PIAS1: variants seen among roughly 807,000 people sequenced by gnomAD.
PIAS1 encodes E3 SUMO-protein ligase PIAS1.
PIAS1 carries 6 observed loss-of-function variants against 71.3 expected under a neutral mutation model. That is an observed-to-expected ratio of 0.08 (90% CI 0.05 to 0.17). The LOEUF (loss-of-function observed/expected upper bound fraction) is 0.17, where lower values mean the gene tolerates loss of function less well. Among genes scored for constraint, PIAS1 ranks in the 10% least tolerant of loss-of-function variants. The pLI is 1.00. For synonymous variants in PIAS1, 303 were observed against 292.9 expected (o/e 1.03, Z -0.35); for missense variants, 555 against 793.6 (o/e 0.70, Z 3.61).
chr15:68,124,357 G>A (rs2092634690), intron 2 of PIAS1, among the ~76,000 whole-genome samples: 1 of 150,598 alleles, frequency 6.6e-6, no homozygotes, highest in Admixed American at 6.6e-5. Context: ...TACCACAGTC[G>A]TGACTTCCAC....
chr15:68,175,197 C>T (rs2093013873), intron 9 of PIAS1, among the ~76,000 whole-genome samples: 1 of 152,218 alleles, frequency 6.6e-6, no homozygotes, highest in South Asian at 2.1e-4. Flanking sequence ...TTTTAAATGT[C>T]TGTCACGGTA....
rs2141086564 is a variant in PIAS1 at position 68,171,039 on chromosome 15, T to C, written c.1009-2693T>C. ...AAAACACAAGCACATTGTACAGCTG[T>C]ACAAAAATATTTTCTTTCTTTATAT... On this transcript the variant is annotated intron_variant, in intron 8 of 13. Transcript: ENST00000249636. The surrounding 1 kb of genome is among the most constrained non-coding windows in gnomAD (Gnocchi z 4.4). Among the ~76,000 whole-genome samples the C allele has an allele frequency of 7.0e-6, 1 of 142,982 alleles. No individual in the cohort carries two copies. The highest frequency in any genetic ancestry group is 2.1e-4 in the South Asian group (1 of 4,732). 93.8% of individuals were successfully genotyped at this position (142,982 alleles called of 152,430 possible).
chr15:68,078,273 TCTTTGCAGTATTTCTTGGTC>T (rs2092192208), intron 1 of PIAS1, among the ~76,000 whole-genome samples: 1 of 152,238 alleles, frequency 6.6e-6, no homozygotes, highest in Admixed American at 6.5e-5. Context: ...CTGTAGTTTT[TCTTTGCAGTATTTCTTGGTC>T]CTGTCTCCTG....
Position 68,185,731 on chromosome 15 carries a change from A to G in PIAS1, c.1663-1811A>G, listed in dbSNP as rs1250011757. 2.6e-5 allele frequency among the ~76,000 whole-genome samples: 4 copies of G among 152,118 alleles called. No individual in the cohort carries two copies. Among genetic ancestry groups the G allele is most frequent in the Admixed American group, 1.3e-4 (2 of 15,276 alleles). ...ATAATCCCAGCACTTTGGGAGGCCA[A>G]AGCGGGTAGATCATGAGGTCAGGAG... On this transcript the variant is annotated intron_variant, in intron 13 of 13. Transcript: ENST00000249636. This position sits in a 1 kb window ranked among gnomAD's most constrained non-coding sequence, Gnocchi z 4.4.
chr15:68,115,185 G>A (rs2092555484), intron 2 of PIAS1, among the ~76,000 whole-genome samples: 1 of 152,102 alleles, frequency 6.6e-6, no homozygotes, highest in East Asian at 1.9e-4. Flanking sequence ...TAAAGGTGCT[G>A]TAAGCATCCA....
At chr15:68,124,950 A>G (rs1247276661) in intron 2 of PIAS1, among the ~76,000 whole-genome samples, 1 of 152,152 alleles carries the variant, frequency 6.6e-6, no homozygotes, top group Non-Finnish European at 1.5e-5. Context: ...ATTTCCCACC[A>G]TGGGAGATAA....
At chr15:68,181,468 T>C in intron 12 of PIAS1, 114 bp downstream of exon 12, 1 of 970,058 alleles carries the variant, frequency 1.0e-6, no homozygotes, top group South Asian at 1.6e-5. Flanking sequence ...AACAGGGCCT[T>C]GGACCCAGGG....
intron 2 of PIAS1, among the ~76,000 whole-genome samples, chr15:68,130,662 A>G (rs1171995156): frequency 7.1e-6 from 1 of 141,522 alleles, no homozygotes; most frequent in African/African-American, 2.7e-5. Flanking sequence ...AACAAAGGTA[A>G]CACTTAAAAA....
At chr15:68,092,835 A>C (rs947839785) in intron 2 of PIAS1, among the ~76,000 whole-genome samples, 1 of 152,220 alleles carries the variant, frequency 6.6e-6, no homozygotes, top group Non-Finnish European at 1.5e-5. Context: ...CAGCTTCCAG[A>C]ACTGTGAGAA....
chr15:68,113,774 G>A (rs1022468743), intron 2 of PIAS1, among the ~76,000 whole-genome samples: 1 of 152,188 alleles, frequency 6.6e-6, no homozygotes. Flanking sequence ...CCTGATAAAA[G>A]GATGTGATAA....
chr15:68,152,535 T>C (rs958003641), intron 6 of PIAS1, among the ~76,000 whole-genome samples: 1 of 152,202 alleles, frequency 6.6e-6, no homozygotes, highest in African/African-American at 2.4e-5. Flanking sequence ...CATGAGCAGA[T>C]TGCATAATCT....
rs1439042330 is a variant in PIAS1, at chr15:68,134,874, C to T, written c.470-7072C>T. On this transcript the variant is annotated intron_variant, in intron 2 of 13. Coordinates refer to ENST00000249636, the MANE Select transcript of PIAS1 (RefSeq NM_016166.3). ...CCCCCCACCGCCCTCCCGGACGGGG[C>T]GGCTGGCCGGGCAGAGGGGCTCCCC... 1.1e-3 allele frequency among the ~76,000 whole-genome samples: 55 copies of T among 48,170 alleles called. 5 individuals carry two copies. The highest frequency in any genetic ancestry group is 2.2e-3 in the African/African-American group (52 of 23,296). The allele number at this position is 48,170 out of a possible 152,430, so 31.6% of individuals were successfully genotyped here. A position where few individuals can be genotyped will look rare whatever the true frequency, so the allele number is the denominator to read the frequency against.
chr15:68,079,465 T>G (rs146313949), intron 1 of PIAS1, among the ~76,000 whole-genome samples: 1 of 152,094 alleles, frequency 6.6e-6, no homozygotes, highest in Non-Finnish European at 1.5e-5. Flanking sequence ...CTTTAAAATT[T>G]TTTTTCCTTT....
intron 7 of PIAS1, among the ~76,000 whole-genome samples, chr15:68,163,438 G>C (rs776308807): frequency 6.6e-6 from 1 of 152,120 alleles, no homozygotes; most frequent in Non-Finnish European, 1.5e-5. Context: ...TTTTAGTCTG[G>C]CATTAGAATC....
intron 1 of PIAS1, among the ~76,000 whole-genome samples, chr15:68,081,857 A>T (rs1306339666): frequency 1.3e-5 from 2 of 152,056 alleles, no homozygotes; most frequent in Admixed American, 1.3e-4. Context: ...ACTGAAGGGG[A>T]CATACATCTC....
chr15:68,065,915 C>CTTTTTTTTTTTTT lies in PIAS1; in HGVS notation c.24+11581_24+11593dup, dbSNP rs869104577. The stretch of plus-strand genomic sequence containing the variant: ...GCCACCATGCTCAGCTGACTAAAAG[C>CTTTTTTTTTTTTT]TTTTTTTTTTTTTTTTTTTTTTTTT... On this transcript the variant is annotated intron_variant, in intron 1 of 13. Transcript: ENST00000249636. 1.4e-3 allele frequency among the ~76,000 whole-genome samples: 56 copies of CTTTTTTTTTTTTT among 40,172 alleles called. 11 individuals carry two copies. The highest frequency in any genetic ancestry group is 7.3e-3 in the African/African-American group (55 of 7,530). The allele number at this position is 40,172 out of a possible 152,430, so 26.4% of individuals were successfully genotyped here.
At position 68,119,237 on chromosome 15, in the gene PIAS1, C is replaced by CAAAAAAAAAA. The variant is rs60879036; in HGVS notation, c.470-22691_470-22682dup. Among the ~76,000 whole-genome samples, 226 of 27,398 alleles carry CAAAAAAAAAA rather than the reference C, an allele frequency of 8.2e-3. 81 individuals are homozygous for CAAAAAAAAAA. Among genetic ancestry groups the CAAAAAAAAAA allele is most frequent in the African/African-American group, 0.021 (145 of 6,898 alleles). The allele number at this position is 27,398 out of a possible 152,430, so 18.0% of individuals were successfully genotyped here. A position where few individuals can be genotyped will look rare whatever the true frequency, so the allele number is the denominator to read the frequency against. On this transcript the variant is annotated intron_variant, in intron 2 of 13. Transcript: ENST00000249636. ...CAACATGGTGAAACCCCATCTCTAC[C>CAAAAAAAAAA]AAAAAAAAAAAAAAAAAAAAAAAAA...
Position 68,135,455 on chromosome 15 carries a change from C to T in PIAS1, c.470-6491C>T, listed in dbSNP as rs1418739294. On this transcript the variant is annotated intron_variant, in intron 2 of 13. Coordinates refer to ENST00000249636, the MANE Select transcript of PIAS1 (RefSeq NM_016166.3). ...CAGCAGGGGTGGCTGGGCAGAGGCG[C>T]CCCCCACCCCCCGGACGGGGCGGCT... 1.1e-4 allele frequency among the ~76,000 whole-genome samples: 3 copies of T among 28,342 alleles called. 1 individual carries two copies. Among genetic ancestry groups the T allele is most frequent in the African/African-American group, 2.3e-4 (3 of 13,264 alleles). 18.6% of individuals were successfully genotyped at this position (28,342 alleles called of 152,430 possible).
chr15:68,128,897 T>C (rs2092670488), intron 2 of PIAS1, among the ~76,000 whole-genome samples: 1 of 152,098 alleles, frequency 6.6e-6, no homozygotes, highest in Admixed American at 6.5e-5. Context: ...AAGATAAACA[T>C]TGATAATGAA....
Sources: gnomAD v4.1 joint callset for allele counts (sites outside exome capture counted in the v4.1 genomes callset) on GRCh38, gnomAD v4.1.1 for gene constraint, Gnocchi (gnomAD v3.1) non-coding constraint, MANE v1.5 for transcripts, NCBI Gene and HGNC (gene_info 2026-07-23, HGNC 2026-07-21) for gene names.